Variants in ANKS1B observed in about 807,000 individuals in gnomAD.
ANKS1B encodes the protein ankyrin repeat and sterile alpha motif domain-containing protein 1B.
A neutral mutation model predicts 148.3 loss-of-function variants in ANKS1B; 36 were observed. The observed-to-expected ratio is 0.24, with a 90% CI of 0.19 to 0.32. The LOEUF is 0.32. Ranked by LOEUF, ANKS1B falls within the 10% of genes least tolerant of loss-of-function variation. ANKS1B has a pLI of 1.00. For missense variants in ANKS1B, 1,157 were observed against 1,542.6 expected, an observed-to-expected ratio of 0.75 and a Z score of 4.19; for synonymous variants, 542 against 560.8, an observed-to-expected ratio of 0.97 and a Z score of 0.47.
At chr12:99,227,385 G>A (rs1016677889) in intron 14 of ANKS1B, among the ~76,000 whole-genome samples, 1 of 152,178 alleles carries the variant, frequency 6.6e-6, no homozygotes, top group Non-Finnish European at 1.5e-5. Context: ...AAAGCCTGCA[G>A]AACCGTGAGC....
chr12:99,700,884 GTT>G (rs1397666191), intron 8 of ANKS1B, among the ~76,000 whole-genome samples: 1 of 152,150 alleles, frequency 6.6e-6, no homozygotes, highest in Non-Finnish European at 1.5e-5. Context: ...GAAGCAGAAA[GTT>G]TTGCTTAATG....
At chr12:99,023,657 A>C (rs919983938) in intron 17 of ANKS1B, among the ~76,000 whole-genome samples, 6 of 151,882 alleles carry the variant, frequency 4.0e-5, no homozygotes, top group African/African-American at 1.4e-4. Context: ...GACTTTAATC[A>C]AATCAATTAA....
In ANKS1B at chr12:99,636,972, C is replaced by T. The variant is rs548641211; in HGVS notation, c.1272+18095G>A. Among the ~76,000 whole-genome samples the T allele has an allele frequency of 4.9e-4, 75 of 152,136 alleles. 4 individuals are homozygous for T. In the South Asian group the frequency reaches 0.015, roughly 31 times the overall value. On this transcript the variant is annotated intron_variant, in intron 9 of 26. Coordinates refer to ENST00000683438, the MANE Select transcript of ANKS1B (RefSeq NM_001352186.2). ...AAAAATCTAAAGGGAAACAAAAGTT[C>T]CTTCTCACTAATAATCAGGAAAATG...
chr12:98,749,995 G>A (rs2098033183), intron 26 of ANKS1B, among the ~76,000 whole-genome samples: 1 of 152,166 alleles, frequency 6.6e-6, no homozygotes, highest in Non-Finnish European at 1.5e-5. Context: ...TGCATGGTGA[G>A]TGGCTGTGGG....
At chr12:99,613,966 T>C (rs1166207947) in intron 9 of ANKS1B, among the ~76,000 whole-genome samples, 1 of 152,098 alleles carries the variant, frequency 6.6e-6, no homozygotes, top group African/African-American at 2.4e-5. Context: ...AAGTCAACTT[T>C]ATTTTCAAAG....
intron 12 of ANKS1B, among the ~76,000 whole-genome samples, chr12:99,320,147 G>A (rs2084958128): frequency 6.6e-6 from 1 of 152,014 alleles, no homozygotes; most frequent in Non-Finnish European, 1.5e-5. Flanking sequence ...TTTCAATTTT[G>A]GTGAATCTGA....
At chr12:99,814,697 T>C (rs901287150) in intron 2 of ANKS1B, among the ~76,000 whole-genome samples, 1 of 151,786 alleles carries the variant, frequency 6.6e-6, no homozygotes, top group Non-Finnish European at 1.5e-5. Flanking sequence ...GTAACCTCTG[T>C]CTCTCTTTCA....
intron 9 of ANKS1B, among the ~76,000 whole-genome samples, chr12:99,623,031 G>T (rs1363350398): frequency 6.6e-6 from 1 of 151,930 alleles, no homozygotes; most frequent in African/African-American, 2.4e-5. Flanking sequence ...GAATTCACCT[G>T]CACATCAAAA....
At chr12:99,470,418 T>C (rs1038937439) in intron 10 of ANKS1B, among the ~76,000 whole-genome samples, 40 of 152,118 alleles carry the variant, frequency 2.6e-4, no homozygotes, top group African/African-American at 9.4e-4. Context: ...CATGATTTGT[T>C]ATGGAGTTTA....
chr12:98,950,054 C>T (rs1281109419), intron 17 of ANKS1B, among the ~76,000 whole-genome samples: 1 of 152,094 alleles, frequency 6.6e-6, no homozygotes, highest in African/African-American at 2.4e-5. Context: ...TGGTTGTCTT[C>T]CAAGAGGGTA....
chr12:99,453,266 G>A (rs1015612344), intron 10 of ANKS1B, among the ~76,000 whole-genome samples: 15 of 151,896 alleles, frequency 9.9e-5, no homozygotes, highest in African/African-American at 3.4e-4. Context: ...CTCCAGCCTG[G>A]GTGACAGAGC....
intron 16 of ANKS1B, chr12:99,079,920 T>C (rs1268609990): frequency 1.3e-5 from 2 of 152,250 alleles, no homozygotes; most frequent in Admixed American, 6.5e-5. Context: ...AATTTCCACG[T>C]CATGTTTCAG....
At chr12:99,299,733 A>G (rs1285584209) in intron 12 of ANKS1B, among the ~76,000 whole-genome samples, 1 of 152,216 alleles carries the variant, frequency 6.6e-6, no homozygotes, top group African/African-American at 2.4e-5. Context: ...ATATTTGGGA[A>G]ATAGATTAAT....
chr12:99,457,562 G>A (rs142898044), intron 10 of ANKS1B, among the ~76,000 whole-genome samples: 28 of 152,094 alleles, frequency 1.8e-4, no homozygotes, highest in African/African-American at 6.7e-4. Flanking sequence ...TCACATAAAC[G>A]TAAGGTAAAG....
chr12:99,526,386 A>G (rs1447010310), intron 9 of ANKS1B, among the ~76,000 whole-genome samples: 1 of 152,206 alleles, frequency 6.6e-6, no homozygotes, highest in Non-Finnish European at 1.5e-5. Context: ...TTTCTAAAAC[A>G]TGGTACTGTA....
chr12:98,752,769 G>T (rs1173113817), intron 25 of ANKS1B, among the ~76,000 whole-genome samples: 1 of 151,776 alleles, frequency 6.6e-6, no homozygotes, highest in East Asian at 1.9e-4. Flanking sequence ...AAGGTAAGGG[G>T]TTACTACTGG....
intron 17 of ANKS1B, among the ~76,000 whole-genome samples, chr12:98,907,800 C>G (rs2099781452): frequency 6.6e-6 from 1 of 152,144 alleles, no homozygotes; most frequent in Non-Finnish European, 1.5e-5. Flanking sequence ...CCATACTGTT[C>G]TTATGCTAGT....
chr12:99,033,932 C>G (rs1045375520), intron 17 of ANKS1B, among the ~76,000 whole-genome samples: 6 of 152,154 alleles, frequency 3.9e-5, no homozygotes, highest in African/African-American at 1.4e-4. Context: ...AGTAAAGTTG[C>G]CTGTGCCCTG....
intron 11 of ANKS1B, among the ~76,000 whole-genome samples, chr12:99,424,390 C>T (rs926838397): frequency 3.9e-5 from 6 of 151,912 alleles, no homozygotes; most frequent in Non-Finnish European, 8.8e-5. Flanking sequence ...GGAATATAGA[C>T]TAGAAGAGAT....
Sources: gnomAD v4.1 joint callset for allele counts (sites outside exome capture counted in the v4.1 genomes callset) on GRCh38, gnomAD v4.1.1 for gene constraint, MANE v1.5 for transcripts, NCBI Gene and HGNC (gene_info 2026-07-23, HGNC 2026-07-21) for gene names.